Variants in TMEM120A observed in about 807,000 individuals in gnomAD.
TMEM120A encodes ion channel TACAN.
Under a neutral mutation model 54.3 loss-of-function variants are expected in TMEM120A, and 45 were observed. That is an observed-to-expected ratio of 0.83 (90% CI 0.65 to 1.06). The LOEUF is 1.06. Among genes scored for constraint, TMEM120A ranks in the 50% least tolerant of loss-of-function variants. The pLI is 0.00. For missense variants in TMEM120A, 424 were observed against 441.7 expected (o/e 0.96, Z 0.36); for synonymous variants, 204 against 178.5 (o/e 1.14, Z -1.14).
At chr7:75,987,483 A>G in intron 10 of TMEM120A, 55 bp from the exon 11 acceptor site, 3 of 1,529,114 alleles carry the variant, frequency 2.0e-6, no homozygotes, top group Non-Finnish European at 2.6e-6. Flanking sequence ...TGGAGCCCGA[A>G]ACCGGCGCAG....
rs781923299 is a variant in TMEM120A at position 75,987,195 on chromosome 7, G to GCTGA, written c.1005_1008dup (p.Arg337SerfsTer56). ...CCTCAATCCTTCTTGCTCCCGTGCC[G>GCTGA]CTGACTGTGAAACTTGTGGTGCACA... On this transcript the variant is annotated frameshift_variant, in exon 12 of 12. Transcript: ENST00000493111. LOFTEE classifies it high-confidence loss of function. 2 of 1,605,268 alleles carry GCTGA rather than the reference G, an allele frequency of 1.2e-6. No individual in the cohort carries two copies. Among genetic ancestry groups the GCTGA allele is most frequent in the East Asian group, 2.2e-5 (1 of 44,588 alleles).
In TMEM120A at chr7:75,987,410, C is replaced by T. The variant is rs782496983; in HGVS notation, c.868G>A (p.Ala290Thr). ...FFGHFWQLFN[A>T]LTLFNLAQDP... ...TGGGCCAGGTTGAACAACGTCAGCG[C>T]GTTAAAAAGCTGCCAGAACTAAGCA... Residue 290 changes from alanine to threonine, a missense_variant, in exon 11 of 12, where the codon GCG (alanine) becomes ACG (threonine). By Grantham distance (58) the Ala-to-Thr change is moderately conservative (BLOSUM62 0). Coordinates refer to ENST00000493111, the MANE Select transcript of TMEM120A (RefSeq NM_031925.3). The T allele has an allele frequency of 1.5e-5, 24 of 1,563,356 alleles. 1 individual carries two copies. Among genetic ancestry groups the T allele is most frequent in the Admixed American group, 5.7e-5 (3 of 52,548 alleles).
At position 75,986,864 on chromosome 7, in the gene TMEM120A, G is replaced by C; in HGVS notation, c.*308C>G. 1 of 579,710 alleles carries C rather than the reference G, an allele frequency of 1.7e-6. No individual in the cohort carries two copies. Among genetic ancestry groups the C allele is most frequent in the Middle Eastern group, 4.4e-4 (1 of 2,270 alleles). The allele number at this position is 579,710 out of a possible 1,614,324, so 35.9% of individuals were successfully genotyped here. A position where few individuals can be genotyped will look rare whatever the true frequency, so the allele number is the denominator to read the frequency against. On this transcript the variant is annotated 3_prime_UTR_variant, in exon 12 of 12. Coordinates refer to ENST00000493111, the MANE Select transcript of TMEM120A (RefSeq NM_031925.3). ...AAGTTCTGTTTTCTGTATTTGCCTG[G>C]TATTGTGTGAGTAGATCTGGGACCT...
rs1347949322 is a variant in TMEM120A, at chr7:75,992,225, G to A, written c.236C>T (p.Ala79Val). 1.9e-6 allele frequency: 3 copies of A among 1,611,236 alleles called. No individual in the cohort carries two copies. In the African/African-American group the frequency reaches 4.0e-5, roughly 22 times the overall value. Residue 79 changes from alanine to valine, a missense_variant, in exon 3 of 12, where the codon GCC becomes GTC. Coordinates refer to ENST00000493111, the MANE Select transcript of TMEM120A (RefSeq NM_031925.3). ...KPSLPAEAEGAAQELENQMKE... is the reference protein window; with the variant it reads ...KPSLPAEAEGVAQELENQMKE... ...CATCTGGTTCTCCAGCTCCTGTGCG[G>A]CCCCCTCGGCCTCTGCTGGGAGGGA... is the stretch of plus-strand genomic sequence containing the variant.
intron 1 of TMEM120A, among the ~76,000 whole-genome samples, chr7:75,993,745 C>T (rs1236983666): frequency 6.6e-6 from 1 of 152,200 alleles, no homozygotes; most frequent in African/African-American, 2.4e-5. Flanking sequence ...GACCCCAGCA[C>T]GTGCCACTTC....
rs1451332562 is a variant in TMEM120A at position 75,986,923 on chromosome 7, G to C, written c.*249C>G. The C allele has an allele frequency of 1.3e-5, 8 of 595,038 alleles. No homozygotes were observed. Among genetic ancestry groups the C allele is most frequent in the South Asian group, 1.3e-4 (6 of 47,644 alleles). The allele number at this position is 595,038 out of a possible 1,614,324, so 36.9% of individuals were successfully genotyped here. A position where few individuals can be genotyped will look rare whatever the true frequency, so the allele number is the denominator to read the frequency against. On this transcript the variant is annotated 3_prime_UTR_variant, in exon 12 of 12. Transcript: ENST00000493111. ...ATCAACTTAACTAACTCAGACCCCA[G>C]GAACCCATGTGGTGGGGCCACCCAG... is the stretch of plus-strand genomic sequence containing the variant.
At position 75,987,069 on chromosome 7, in the gene TMEM120A, A is replaced by G; in HGVS notation, c.*103T>C. The G allele has an allele frequency of 1.0e-6, 1 of 981,186 alleles. No individual in the cohort carries two copies. The highest frequency in any genetic ancestry group is 1.6e-6 in the Non-Finnish European group (1 of 644,506). 60.8% of individuals were successfully genotyped at this position (981,186 alleles called of 1,614,324 possible). ...GCGCCCATAAAACCCAAGGGAGAAT[A>G]GAAGAGACCCCCTGATACACGCACA... On this transcript the variant is annotated 3_prime_UTR_variant, in exon 12 of 12. Coordinates refer to ENST00000493111, the MANE Select transcript of TMEM120A (RefSeq NM_031925.3).
chr7:75,992,313 C>A, intron 2 of TMEM120A, 53 bp from the exon 3 acceptor site: 1 of 1,559,952 alleles, frequency 6.4e-7, no homozygotes, highest in Admixed American at 1.8e-5. Flanking sequence ...AGTGTCCTCC[C>A]TGACTCCCAC....
intron 3 of TMEM120A, 62 bp from the exon 4 acceptor site, chr7:75,989,286 G>A (rs990888319): frequency 9.0e-7 from 1 of 1,113,284 alleles, no homozygotes. Context: ...CCGGTACTCA[G>A]CCAAGCCTGC....
chr7:75,989,338 G>C (rs1477967293), intron 3 of TMEM120A, 114 bp from the exon 4 acceptor site: 4 of 733,630 alleles, frequency 5.5e-6, no homozygotes, highest in Non-Finnish European at 9.6e-6. Context: ...CTCACCCGCT[G>C]CTTTCCGCAG....
At position 75,992,448 on chromosome 7, in the gene TMEM120A, G is replaced by A; in HGVS notation, c.191C>T (p.Ala64Val). 6.3e-7 allele frequency: 1 copy of A among 1,592,912 alleles called. No individual in the cohort carries two copies. Among genetic ancestry groups the A allele is most frequent in the African/African-American group, 1.3e-5 (1 of 74,640 alleles). The change falls in exon 2 of 12, where the codon GCC (alanine) becomes GTC (valine). Residue 64 changes from alanine (A) to valine (V), a missense_variant. Transcript: ENST00000493111. ...GGTAGGGGATCCTAACTTCTTCAGG[G>A]CGAGGGCCAGCTCCTGGAGCCGCTT... ...QKKRLQELAL[A>V]LKKCKPSLPA...
rs1333478004 is a variant in TMEM120A, at chr7:75,994,576, C to T, written c.-6G>A. 3.9e-6 allele frequency: 6 copies of T among 1,536,506 alleles called. No homozygotes were observed. Among genetic ancestry groups the T allele is most frequent in the Non-Finnish European group, 5.3e-6 (6 of 1,141,240 alleles). Reference sequence around the variant, plus strand: ...CCCGGGGGCGGGGGCTGCATGGCTGCAGCGCCAGTAGCCAGTAGTGGAGGA... The same window carrying T: ...CCCGGGGGCGGGGGCTGCATGGCTGTAGCGCCAGTAGCCAGTAGTGGAGGA... On this transcript the variant is annotated 5_prime_UTR_variant, in exon 1 of 12. Transcript: ENST00000493111.
intron 3 of TMEM120A, among the ~76,000 whole-genome samples, chr7:75,990,347 T>C (rs1789792086): frequency 6.6e-6 from 1 of 152,048 alleles, no homozygotes; most frequent in Non-Finnish European, 1.5e-5. Context: ...CACTCCTCAC[T>C]CTCATCTCTG....
Position 75,987,361 on chromosome 7 carries a change from T to G in TMEM120A, c.917A>C (p.Gln306Pro), listed in dbSNP as rs782005565. ...TCCTGTCCAGGGACCCCGGCTCACC[T>G]GCCACTCCTTGCACTGAGGGTCCTG... is the stretch of plus-strand genomic sequence containing the variant. ...LAQDPQCKEW[Q>P]VLMCGFPFLL... Residue 306 changes from glutamine (Q) to proline (P), a missense_variant and splice_region_variant, in exon 11 of 12, where the codon CAG becomes CCG. Physicochemically the swap from Gln to Pro is moderately conservative, Grantham distance 76 (BLOSUM62 -1). Coordinates refer to ENST00000493111, the MANE Select transcript of TMEM120A (RefSeq NM_031925.3). The G allele has an allele frequency of 2.4e-5, 38 of 1,564,210 alleles. No individual in the cohort carries two copies. The highest frequency in any genetic ancestry group is 1.7e-6 in the Non-Finnish European group (2 of 1,155,366).
At chr7:75,990,017 A>G (rs903762248) in intron 3 of TMEM120A, among the ~76,000 whole-genome samples, 6 of 152,194 alleles carry the variant, frequency 3.9e-5, no homozygotes, top group African/African-American at 1.4e-4. Flanking sequence ...CCAAACAGAC[A>G]GAGGCTCAGC....
At chr7:75,994,104 C>G (rs779235527) in intron 1 of TMEM120A, among the ~76,000 whole-genome samples, 67 of 152,190 alleles carry the variant, frequency 4.4e-4, no homozygotes, top group Non-Finnish European at 8.8e-4. Context: ...CCCCCCTAAA[C>G]GCTGCTCCCC....
In TMEM120A at chr7:75,992,474, C is replaced by T; in HGVS notation, c.165G>A (p.Lys55=). The part of the protein sequence containing the change: ...NNCTSSITRQ[K]KRLQELALAL... ...CGAGGGCCAGCTCCTGGAGCCGCTT[C>T]TTCTGCCGCGTGATGGAGCTGGTGC... The change falls in exon 2 of 12, where the codon AAG becomes AAA. Residue 55 remains lysine (K), a synonymous_variant. Coordinates refer to ENST00000493111, the MANE Select transcript of TMEM120A (RefSeq NM_031925.3). 2.5e-6 allele frequency: 4 copies of T among 1,597,990 alleles called. No homozygotes were observed. The highest frequency in any genetic ancestry group is 3.4e-6 in the Non-Finnish European group (4 of 1,172,566).
At chr7:75,989,300 G>T in intron 3 of TMEM120A, 76 bp from the exon 4 acceptor site, 1 of 1,007,724 alleles carries the variant, frequency 9.9e-7, no homozygotes, top group Non-Finnish European at 1.5e-6. Context: ...AGCCTGCCAG[G>T]CCAGAGCCTG....
At chr7:75,993,180 G>T (rs1554562272) in intron 1 of TMEM120A, among the ~76,000 whole-genome samples, 1 of 152,154 alleles carries the variant, frequency 6.6e-6, no homozygotes, top group African/African-American at 2.4e-5. Context: ...CTTGAGTCTG[G>T]AGCTTAGGCC....
Sources: allele counts gnomAD v4.1 joint callset (sites outside exome capture counted in the v4.1 genomes callset), GRCh38; gene constraint gnomAD v4.1.1; transcripts MANE v1.5; gene names NCBI Gene and HGNC (gene_info 2026-07-23, HGNC 2026-07-21).